LRP1B: variants seen among roughly 807,000 people sequenced by gnomAD.
LRP1B encodes LDL receptor related protein 1B.
Under a neutral mutation model 556.6 loss-of-function variants are expected in LRP1B, and 217 were observed. The observed-to-expected ratio is 0.39, with a 90% CI of 0.35 to 0.44. LRP1B has a LOEUF of 0.44. LRP1B is among the 20% of genes least tolerant of loss of function. The probability of loss-of-function intolerance (pLI) is 1.00; values close to 1 mark genes in which losing one functional copy is unlikely to be tolerated. For synonymous variants in LRP1B, 2,047 were observed against 1,865.8 expected (o/e 1.10, Z -2.50); for missense variants, 5,053 against 5,620.8 (o/e 0.90, Z 3.23).
At chr2:140,261,064 TATATA>T (rs1681914573) in intron 86 of LRP1B, among the ~76,000 whole-genome samples, 1 of 151,104 alleles carries the variant, frequency 6.6e-6, no homozygotes, top group African/African-American at 2.4e-5. Flanking sequence ...TGTGTATATA[TATATA>T]ATATATATGA....
At chr2:141,837,165 A>G (rs1321864805) in intron 1 of LRP1B, among the ~76,000 whole-genome samples, 1 of 151,980 alleles carries the variant, frequency 6.6e-6, no homozygotes, top group Non-Finnish European at 1.5e-5. Flanking sequence ...GAACATCATA[A>G]GGATATAGAC....
chr2:141,862,636 C>T (rs1488566100), intron 1 of LRP1B, among the ~76,000 whole-genome samples: 2 of 152,168 alleles, frequency 1.3e-5, no homozygotes, highest in African/African-American at 2.4e-5. Flanking sequence ...TTCGAACTCC[C>T]GACCTCGTGA....
Position 141,301,040 on chromosome 2 carries a change from A to G in LRP1B, c.344-46399T>C, listed in dbSNP as rs185740055. ...ATGTTTCAATATTTATTATTGTCCA[A>G]ATGAAAAAGATAATGGGTCTGGGAA... On this transcript the variant is annotated intron_variant, in intron 3 of 90. Coordinates refer to ENST00000389484, the MANE Select transcript of LRP1B (RefSeq NM_018557.3). 4.0e-4 allele frequency among the ~76,000 whole-genome samples: 61 copies of G among 152,302 alleles called. 1 individual carries two copies. Among genetic ancestry groups the G allele is most frequent in the Admixed American group, 3.8e-3 (58 of 15,280 alleles).
chr2:141,186,192 T>C (rs938790468), intron 7 of LRP1B, among the ~76,000 whole-genome samples: 2 of 151,392 alleles, frequency 1.3e-5, no homozygotes, highest in Non-Finnish European at 2.9e-5. Flanking sequence ...AAGGTCAAGC[T>C]CTAGGAGTTA....
chr2:141,213,188 G>A (rs1001300988), intron 6 of LRP1B, among the ~76,000 whole-genome samples: 2 of 150,900 alleles, frequency 1.3e-5, no homozygotes, highest in Non-Finnish European at 2.9e-5. Context: ...CCAGGCTGAT[G>A]TGATTTTCTT....
rs573113584 is a variant in LRP1B at position 140,459,784 on chromosome 2, T to C, written c.9626-2133A>G. Among the ~76,000 whole-genome samples the C allele has an allele frequency of 5.3e-5, 8 of 152,272 alleles. 1 individual carries two copies. Among genetic ancestry groups the C allele is most frequent in the East Asian group, 3.9e-4 (2 of 5,158 alleles). On this transcript the variant is annotated intron_variant, in intron 60 of 90. Transcript: ENST00000389484. ...GAGGGAGTGATCTGGTGGGAGGTGA[T>C]TGGATCATGGGGGCGGATTTCTCCC...
At chr2:140,318,485 A>C (rs1684626455) in intron 82 of LRP1B, among the ~76,000 whole-genome samples, 2 of 152,122 alleles carry the variant, frequency 1.3e-5, no homozygotes, top group Admixed American at 1.3e-4. Context: ...AAAATGATAC[A>C]ATTTGGTGAC....
At chr2:140,504,514 C>G (rs1364525069) in intron 53 of LRP1B, among the ~76,000 whole-genome samples, 2 of 152,096 alleles carry the variant, frequency 1.3e-5, no homozygotes, top group South Asian at 4.1e-4. Context: ...TATTACTTAT[C>G]CTCGTTGTTC....
chr2:141,914,385 T>C (rs538294413), intron 1 of LRP1B, among the ~76,000 whole-genome samples: 4 of 152,282 alleles, frequency 2.6e-5, no homozygotes, highest in African/African-American at 9.6e-5. Context: ...GTAGGTTGAC[T>C]AATAATATAA....
At chr2:140,602,970 G>A (rs548406287) in intron 41 of LRP1B, among the ~76,000 whole-genome samples, 2 of 151,750 alleles carry the variant, frequency 1.3e-5, no homozygotes, top group African/African-American at 2.4e-5. Flanking sequence ...AATTTTTACC[G>A]CCTGGCTCCC....
At chr2:141,005,849 AG>A (rs1180507558) in intron 14 of LRP1B, among the ~76,000 whole-genome samples, 1 of 151,942 alleles carries the variant, frequency 6.6e-6, no homozygotes, top group Non-Finnish European at 1.5e-5. Flanking sequence ...AAAGCAAGTG[AG>A]GGTTGGGAGC....
At chr2:140,966,439 T>C (rs957742030) in intron 18 of LRP1B, among the ~76,000 whole-genome samples, 13 of 152,234 alleles carry the variant, frequency 8.5e-5, no homozygotes, top group African/African-American at 3.1e-4. Flanking sequence ...TTGTAGATTC[T>C]GGATATTAGC....
At chr2:141,451,396 C>G (rs532639522) in intron 3 of LRP1B, among the ~76,000 whole-genome samples, 9 of 152,026 alleles carry the variant, frequency 5.9e-5, no homozygotes, top group Non-Finnish European at 1.3e-4. Flanking sequence ...ATTTAAATTA[C>G]AAAATAATAC....
chr2:142,068,840 A>T (rs1368026965), intron 1 of LRP1B, among the ~76,000 whole-genome samples: 2 of 151,478 alleles, frequency 1.3e-5, no homozygotes, highest in African/African-American at 4.8e-5. Flanking sequence ...TAATGGTAAT[A>T]TTTTTCTGTG....
At chr2:141,096,675 A>AGAGAGAGAGG (rs1558858355) in intron 7 of LRP1B, among the ~76,000 whole-genome samples, 16 of 130,184 alleles carry the variant, frequency 1.2e-4, no homozygotes, top group African/African-American at 4.5e-4. Context: ...AGAGAGAGAG[A>AGAGAGAGAGG]GAGAGAGAGA....
intron 41 of LRP1B, among the ~76,000 whole-genome samples, chr2:140,606,791 C>T (rs544707685): frequency 1.3e-5 from 2 of 151,702 alleles, no homozygotes; most frequent in South Asian, 4.2e-4. Flanking sequence ...ACTCATACAC[C>T]CACACATATA....
intron 3 of LRP1B, among the ~76,000 whole-genome samples, chr2:141,306,571 A>G (rs78661453): frequency 0.015 from 2,351 of 152,186 alleles, 56 homozygotes; most frequent in African/African-American, 0.053. Context: ...GATCTTTTCA[A>G]ATAACTAACC....
At chr2:141,153,840 G>T (rs1387641367) in intron 7 of LRP1B, among the ~76,000 whole-genome samples, 1 of 151,018 alleles carries the variant, frequency 6.6e-6, no homozygotes, top group Non-Finnish European at 1.5e-5. Context: ...GGGAAGACAG[G>T]ATGGGAAACA....
chr2:141,273,887 C>T (rs1199805383), intron 3 of LRP1B, among the ~76,000 whole-genome samples: 1 of 151,862 alleles, frequency 6.6e-6, no homozygotes, highest in Non-Finnish European at 1.5e-5. Flanking sequence ...AAAAGGAAAC[C>T]CAATATAAAA....
Sources: gnomAD v4.1 joint callset for allele counts (sites outside exome capture counted in the v4.1 genomes callset) on GRCh38, gnomAD v4.1.1 for gene constraint, MANE v1.5 for transcripts, NCBI Gene and HGNC (gene_info 2026-07-23, HGNC 2026-07-21) for gene names.